Variants in KATNAL1 observed in about 807,000 individuals in gnomAD.
The protein encoded by KATNAL1 is katanin catalytic subunit A1 like 1.
A neutral mutation model predicts 55.2 loss-of-function variants in KATNAL1; 32 were observed. The ratio of observed to expected loss-of-function variants is 0.58; its 90% CI spans 0.44 to 0.78. The LOEUF (loss-of-function observed/expected upper bound fraction) is 0.78. Among genes scored for constraint, KATNAL1 ranks in the 30% least tolerant of loss-of-function variants. The probability of loss-of-function intolerance (pLI) is 0.00; values close to 1 mark genes in which losing one functional copy is unlikely to be tolerated. For missense variants in KATNAL1, 466 were observed against 600.9 expected (o/e 0.78, Z 2.35); for synonymous variants, 193 against 193.6 (o/e 1.00, Z 0.02).
intron 3 of KATNAL1, among the ~76,000 whole-genome samples, chr13:30,265,874 T>C (rs1879734897): frequency 6.6e-6 from 1 of 151,328 alleles, no homozygotes; most frequent in Non-Finnish European, 1.5e-5. Flanking sequence ...TTGCCAGGCA[T>C]GGTGGCACGT....
intron 9 of KATNAL1, among the ~76,000 whole-genome samples, chr13:30,221,557 A>C (rs186662612): frequency 2.0e-5 from 3 of 152,374 alleles, no homozygotes; most frequent in Admixed American, 2.0e-4. Context: ...GCTGACAAAA[A>C]CTATAAAGTG....
At chr13:30,262,391 A>G (rs1487768463) in intron 3 of KATNAL1, among the ~76,000 whole-genome samples, 2 of 152,214 alleles carry the variant, frequency 1.3e-5, no homozygotes, top group Non-Finnish European at 2.9e-5. Context: ...AAGGAAATAG[A>G]GACACAAAAA....
chr13:30,208,785 T>G (rs1873388277), intron 10 of KATNAL1, 47 bp from the exon 11 acceptor site: 1 of 1,284,464 alleles, frequency 7.8e-7, no homozygotes, highest in African/African-American at 1.5e-5. Context: ...GCACATGTTT[T>G]AAACACTTTC....
chr13:30,296,500 A>AT, intron 1 of KATNAL1: 1 of 733,644 alleles, frequency 1.4e-6, no homozygotes, highest in South Asian at 1.4e-5. Context: ...CTGAAAACAG[A>AT]TGAGTGCATT....
At chr13:30,261,267 C>T (rs1009414987) in intron 3 of KATNAL1, among the ~76,000 whole-genome samples, 3 of 151,764 alleles carry the variant, frequency 2.0e-5, no homozygotes, top group African/African-American at 4.8e-5. Context: ...CAAAATCATG[C>T]CAAAATGTAA....
chr13:30,211,281 A>G (rs1052136194), intron 9 of KATNAL1, among the ~76,000 whole-genome samples: 5 of 152,148 alleles, frequency 3.3e-5, no homozygotes, highest in African/African-American at 1.2e-4. Context: ...AATTGCTAAC[A>G]TTTTGCCATT....
In KATNAL1 at chr13:30,277,900, G is replaced by A. The variant is rs1232519914; in HGVS notation, c.323+2163C>T. Among the ~76,000 whole-genome samples the A allele has an allele frequency of 3.5e-5, 5 of 144,534 alleles. No homozygotes were observed. The East Asian group carries it at 6.2e-4, about 18-fold the overall frequency. The allele number at this position is 144,534 out of a possible 152,430, so 94.8% of individuals were successfully genotyped here. Reference sequence around the variant, plus strand: ...TGGGAGGCTGAGGCAGGAGAATGGCGTGAACCCGGGAGGCGGAGCTTGCAG... The same window carrying A: ...TGGGAGGCTGAGGCAGGAGAATGGCATGAACCCGGGAGGCGGAGCTTGCAG... On this transcript the variant is annotated intron_variant, in intron 3 of 10. Transcript: ENST00000380615.
chr13:30,288,883 C>G (rs1881961580), intron 1 of KATNAL1, among the ~76,000 whole-genome samples: 1 of 152,178 alleles, frequency 6.6e-6, no homozygotes, highest in Non-Finnish European at 1.5e-5. Context: ...GTTGACACTA[C>G]TGGTTCAAGA....
intron 1 of KATNAL1, among the ~76,000 whole-genome samples, chr13:30,289,245 C>A (rs1881985669): frequency 6.6e-6 from 1 of 152,172 alleles, no homozygotes; most frequent in South Asian, 2.1e-4. Flanking sequence ...CCAAGGAAAA[C>A]CACTCAAAAT....
At chr13:30,246,375 C>T (rs1161355378) in intron 4 of KATNAL1, among the ~76,000 whole-genome samples, 1 of 152,160 alleles carries the variant, frequency 6.6e-6, no homozygotes, top group African/African-American at 2.4e-5. Flanking sequence ...CTTCCTTACA[C>T]CTTATACCAA....
rs1206379832 is a variant in KATNAL1, at chr13:30,207,297, C to A, written c.*1243G>T. 6.6e-6 allele frequency: 1 copy of A among 152,072 alleles called. No individual in the cohort carries two copies. The highest frequency in any genetic ancestry group is 1.9e-4 in the East Asian group (1 of 5,196). The allele number at this position is 152,072 out of a possible 1,614,324, so 9.4% of individuals were successfully genotyped here. ...TCTGGCTTCTTTCTAATGTGTAATT[C>A]CTGCTGAATTGAGTGAGCATGTCAG... On this transcript the variant is annotated 3_prime_UTR_variant, in exon 11 of 11. Coordinates refer to ENST00000380615, the MANE Select transcript of KATNAL1 (RefSeq NM_032116.5).
At chr13:30,223,204 C>G (rs945148314) in intron 9 of KATNAL1, among the ~76,000 whole-genome samples, 1 of 151,446 alleles carries the variant, frequency 6.6e-6, no homozygotes, top group African/African-American at 2.4e-5. Context: ...CTTCGGGAGG[C>G]CAAGGCGGGC....
At chr13:30,288,637 T>A (rs1881946589) in intron 1 of KATNAL1, among the ~76,000 whole-genome samples, 1 of 152,238 alleles carries the variant, frequency 6.6e-6, no homozygotes, top group African/African-American at 2.4e-5. Flanking sequence ...GAAATACTAT[T>A]GAGTCTGCAT....
chr13:30,217,776 T>C (rs920915093), intron 9 of KATNAL1, among the ~76,000 whole-genome samples: 1 of 152,140 alleles, frequency 6.6e-6, no homozygotes, highest in Non-Finnish European at 1.5e-5. Flanking sequence ...TATAAAGCTG[T>C]CATGACGGTT....
intron 9 of KATNAL1, among the ~76,000 whole-genome samples, chr13:30,211,189 T>C (rs2137340049): frequency 6.6e-6 from 1 of 152,328 alleles, no homozygotes; most frequent in South Asian, 2.1e-4. Flanking sequence ...TTTAATTTTC[T>C]TCTACTTTTA....
At chr13:30,234,414 T>C (rs1004712906) in intron 6 of KATNAL1, among the ~76,000 whole-genome samples, 1 of 152,318 alleles carries the variant, frequency 6.6e-6, no homozygotes, top group Admixed American at 6.5e-5. Flanking sequence ...CACTCTTCAG[T>C]TGCACCTCCT....
Position 30,281,136 on chromosome 13 carries a change from A to AG in KATNAL1, c.163-914_163-913insC, listed in dbSNP as rs1300193970. Among the ~76,000 whole-genome samples, 244 of 137,442 alleles carry AG rather than the reference A, an allele frequency of 1.8e-3. 6 individuals are homozygous for AG. Among genetic ancestry groups the AG allele is most frequent in the African/African-American group, 6.2e-3 (223 of 35,752 alleles). 90.2% of individuals were successfully genotyped at this position (137,442 alleles called of 152,430 possible). ...AGAATCCATGTCAAAAAAAAAAAAAAAGAAAAGAAAAGAAAATTACAATTA... is the reference window on the plus strand; with the variant it reads ...AGAATCCATGTCAAAAAAAAAAAAAAGAGAAAAGAAAAGAAAATTACAATTA... On this transcript the variant is annotated intron_variant, in intron 2 of 10. Transcript: ENST00000380615.
intron 9 of KATNAL1, chr13:30,210,650 G>GAAAAA (rs33951005): frequency 8.3e-6 from 1 of 120,264 alleles, no homozygotes; most frequent in Non-Finnish European, 1.7e-5. Context: ...ACTAAAAATT[G>GAAAAA]AAAAAAAAAA....
intron 2 of KATNAL1, chr13:30,281,647 G>A (rs1881346809): frequency 6.6e-6 from 1 of 152,016 alleles, no homozygotes; most frequent in Admixed American, 6.5e-5. Flanking sequence ...TCTGACTAAT[G>A]GAAAAATTAG....
Sources: allele counts gnomAD v4.1 joint callset (sites outside exome capture counted in the v4.1 genomes callset), GRCh38; gene constraint gnomAD v4.1.1; transcripts MANE v1.5; gene names NCBI Gene and HGNC (gene_info 2026-07-23, HGNC 2026-07-21).